Variants in CDK18 observed in about 807,000 individuals in gnomAD.
The protein encoded by CDK18 is cyclin dependent kinase 18.
Under a neutral mutation model 62.0 loss-of-function variants are expected in CDK18, and 52 were observed. The ratio of observed to expected loss-of-function variants is 0.84; its 90% CI spans 0.67 to 1.06. The LOEUF is 1.06. CDK18 is among the 50% of genes least tolerant of loss of function. The pLI, the probability that CDK18 is intolerant of heterozygous loss-of-function variation, is 0.00. For synonymous variants in CDK18, 237 were observed against 247.0 expected, an observed-to-expected ratio of 0.96 and a Z score of 0.38; for missense variants, 604 against 619.9, an observed-to-expected ratio of 0.97 and a Z score of 0.27.
At chr1:205,525,596 T>C (rs1211142848) in intron 5 of CDK18, among the ~76,000 whole-genome samples, 1 of 152,138 alleles carries the variant, frequency 6.6e-6, no homozygotes, top group African/African-American at 2.4e-5. Flanking sequence ...ATAGGGTTAT[T>C]GTGAGGATTG....
At chr1:205,510,091 A>G (rs1667494921) in intron 1 of CDK18, among the ~76,000 whole-genome samples, 1 of 152,024 alleles carries the variant, frequency 6.6e-6, no homozygotes, top group South Asian at 2.1e-4. Flanking sequence ...AAAAAAAAAA[A>G]AAAATTTCTA....
chr1:205,520,850 A>G (rs560785803), intron 1 of CDK18, among the ~76,000 whole-genome samples: 4 of 152,294 alleles, frequency 2.6e-5, no homozygotes, highest in African/African-American at 9.6e-5. Context: ...TGCCACCATC[A>G]TGAAGCCTCC....
chr1:205,507,726 G>A (rs1012283205), intron 1 of CDK18, among the ~76,000 whole-genome samples: 1 of 151,792 alleles, frequency 6.6e-6, no homozygotes, highest in Non-Finnish European at 1.5e-5. Context: ...GGTTGGTGGT[G>A]CTTGTTTGGA....
rs1668338889 is a variant in CDK18, at chr1:205,524,793, ACAGT to A, written c.400-342_400-339del. ...AGCTAGAAGTGCGCTGATGAGAGAC[ACAGT>A]CAGAGAGGTGGATTCTGAACTGGAC... On this transcript the variant is annotated intron_variant, in intron 4 of 15. Transcript: ENST00000429964. Among the ~76,000 whole-genome samples the A allele has an allele frequency of 1.3e-5, 2 of 152,328 alleles. 1 individual carries two copies. The highest frequency in any genetic ancestry group is 6.8e-3 in the Middle Eastern group (2 of 294).
intron 1 of CDK18, among the ~76,000 whole-genome samples, chr1:205,512,529 G>T (rs1414083121): frequency 6.6e-6 from 1 of 152,216 alleles, no homozygotes; most frequent in Non-Finnish European, 1.5e-5. Context: ...TCAGAGGCCT[G>T]GGGGAGGCCA....
intron 4 of CDK18, 99 bp from the exon 5 acceptor site, chr1:205,525,040 C>T (rs1315016227): frequency 1.3e-5 from 9 of 711,812 alleles, no homozygotes; most frequent in Non-Finnish European, 2.2e-5. Context: ...CATGGAGTCT[C>T]ATCCCTTCCC....
rs1276292574 is a variant in CDK18, at chr1:205,517,391, GA to G, written c.-21-5755del. ...CAGGGATGTTTGATGAAGTTTATAT[GA>G]GGACTCTTTTTGTCTGGGCAGTAGC... On this transcript the variant is annotated intron_variant, in intron 1 of 15. Transcript: ENST00000429964. The surrounding 1 kb of genome is among the most constrained non-coding windows in gnomAD (Gnocchi z 4.1). Among the ~76,000 whole-genome samples the G allele has an allele frequency of 2.0e-5, 3 of 152,212 alleles. No homozygotes were observed. The highest frequency in any genetic ancestry group is 4.4e-5 in the Non-Finnish European group (3 of 68,050).
rs1558777611 is a variant in CDK18, at chr1:205,523,209, C to T, written c.42C>T (p.Ser14=). ...TGAAGAACTTTAAGCGCCGTTTCTC[C>T]CTGTCAGTGCCCCGCACTGAGACCA... ...NKMKNFKRRF[S]LSVPRTETIE... Residue 14 remains serine, a synonymous_variant, in exon 2 of 16, where the codon TCC becomes TCT. Coordinates refer to ENST00000429964, the MANE Select transcript of CDK18 (RefSeq NM_212502.3). The T allele has an allele frequency of 6.2e-7, 1 of 1,613,876 alleles. No homozygotes were observed. The highest frequency in any genetic ancestry group is 2.2e-5 in the East Asian group (1 of 44,882).
chr1:205,510,384 G>A (rs1018133052), intron 1 of CDK18, among the ~76,000 whole-genome samples: 1 of 152,126 alleles, frequency 6.6e-6, no homozygotes, highest in Non-Finnish European at 1.5e-5. Flanking sequence ...TATGCTAGAG[G>A]GCATCACTCT....
At chr1:205,526,002 G>T in intron 5 of CDK18, 63 bp from the exon 6 acceptor site, 1 of 1,175,984 alleles carries the variant, frequency 8.5e-7, no homozygotes, top group Non-Finnish European at 1.2e-6. Flanking sequence ...CAAATGGGGA[G>T]GCACTGGACA....
chr1:205,528,196 G>A lies in CDK18; in HGVS notation c.974+28G>A, dbSNP rs749949240. On this transcript the variant is annotated intron_variant, in intron 10 of 15. Coordinates refer to ENST00000429964, the MANE Select transcript of CDK18 (RefSeq NM_212502.3). This position sits in a 1 kb window ranked among gnomAD's most constrained non-coding sequence, Gnocchi z 4.2. Reference sequence around the variant, plus strand: ...GAGTGAGCACTGTGGGGACCGAGGAGGGGAGGACAGGCCTGGCCACACCTC... The same window carrying A: ...GAGTGAGCACTGTGGGGACCGAGGAAGGGAGGACAGGCCTGGCCACACCTC... The A allele has an allele frequency of 3.1e-6, 5 of 1,611,530 alleles. No individual in the cohort carries two copies. The highest frequency in any genetic ancestry group is 3.4e-6 in the Non-Finnish European group (4 of 1,179,316).
chr1:205,531,970 C>G lies in CDK18; in HGVS notation c.*592C>G, dbSNP rs948235127. 6.3e-6 allele frequency: 1 copy of G among 158,804 alleles called. No individual in the cohort carries two copies. Among genetic ancestry groups the G allele is most frequent in the Admixed American group, 6.0e-5 (1 of 16,752 alleles). The allele number at this position is 158,804 out of a possible 1,614,324, so 9.8% of individuals were successfully genotyped here. ...AACAGAAGGAATAGTAGTCCCCACT[C>G]TTTCCATCAGCCCTACCCTACCCTC... On this transcript the variant is annotated 3_prime_UTR_variant, in exon 16 of 16. Transcript: ENST00000429964.
chr1:205,526,156 C>A lies in CDK18; in HGVS notation c.548C>A (p.Ala183Glu), dbSNP rs753307031. Residue 183 changes from alanine (A) to glutamate (E), a missense_variant, in exon 6 of 16, where the codon GCG becomes GAG. Transcript: ENST00000429964. ...ATCCGGCTGGAGCACGAGGAGGGAGCGCCCTGCACTGCCATCCGAGAGGGT... is the reference window on the plus strand; with the variant it reads ...ATCCGGCTGGAGCACGAGGAGGGAGAGCCCTGCACTGCCATCCGAGAGGGT... ...KEIRLEHEEG[A>E]PCTAIREVSL... is the part of the protein sequence containing the mutation. The A allele has an allele frequency of 1.2e-6, 2 of 1,613,628 alleles. No homozygotes were observed. The highest frequency in any genetic ancestry group is 1.7e-6 in the Non-Finnish European group (2 of 1,179,744).
At chr1:205,507,179 CTG>C (rs1286184045) in intron 1 of CDK18, among the ~76,000 whole-genome samples, 2 of 152,180 alleles carry the variant, frequency 1.3e-5, no homozygotes, top group South Asian at 2.1e-4. Flanking sequence ...TCTTCTCTAA[CTG>C]AGCTTGAGAA....
In CDK18 at chr1:205,526,790, C is replaced by T; in HGVS notation, c.682C>T (p.Gln228Ter). 6.2e-7 allele frequency: 1 copy of T among 1,614,008 alleles called. No individual in the cohort carries two copies. Among genetic ancestry groups the T allele is most frequent in the East Asian group, 2.2e-5 (1 of 44,876 alleles). ...TGTGTTCCAGGACAGTGACCTGAAGCAGTATCTGGACCACTGTGGGAACCT... is the reference window on the plus strand; with the variant it reads ...TGTGTTCCAGGACAGTGACCTGAAGTAGTATCTGGACCACTGTGGGAACCT... ...VFEYLDSDLK[Q>*]YLDHCGNLMS... The change falls in exon 8 of 16, where the codon CAG becomes TAG. Residue 228 changes from glutamine to a stop codon, truncating the protein, a stop_gained. Transcript: ENST00000429964. LOFTEE classifies it high-confidence loss of function.
Position 205,529,115 on chromosome 1 carries a change from C to A in CDK18, c.1072+19C>A, listed in dbSNP as rs1345007623. ...CTCCTCGGTCAGTCTCCCGCTGCTC[C>A]GTCCCTCTCACCACCAGGGGGCGCC... On this transcript the variant is annotated intron_variant, in intron 11 of 15. Coordinates refer to ENST00000429964, the MANE Select transcript of CDK18 (RefSeq NM_212502.3). 2.6e-6 allele frequency: 4 copies of A among 1,552,610 alleles called. No homozygotes were observed. The African/African-American group carries it at 4.1e-5, about 16-fold the overall frequency.
At chr1:205,520,471 G>T (rs1371799860) in intron 1 of CDK18, among the ~76,000 whole-genome samples, 8 of 152,084 alleles carry the variant, frequency 5.3e-5, no homozygotes, top group African/African-American at 1.9e-4. Flanking sequence ...GGCCGAGGAG[G>T]GGCAGATCAC....
chr1:205,529,654 C>T (rs1668638666), intron 13 of CDK18, 91 bp downstream of exon 13: 1 of 1,603,382 alleles, frequency 6.2e-7, no homozygotes, highest in African/African-American at 1.3e-5. Flanking sequence ...ACTTCTGTGG[C>T]TCGTGTGCTT....
At chr1:205,509,079 G>A (rs527878329) in intron 1 of CDK18, among the ~76,000 whole-genome samples, 2 of 152,144 alleles carry the variant, frequency 1.3e-5, no homozygotes, top group South Asian at 4.2e-4. Flanking sequence ...AACCCAGGAG[G>A]TGGAGGTTGC....
Sources: allele counts gnomAD v4.1 joint callset (sites outside exome capture counted in the v4.1 genomes callset), GRCh38; gene constraint gnomAD v4.1.1; non-coding constraint Gnocchi (gnomAD v3.1); transcripts MANE v1.5; gene names NCBI Gene and HGNC (gene_info 2026-07-23, HGNC 2026-07-21).